The following LRRTM4 variants were observed in gnomAD, a reference collection of about 807,000 sequenced individuals.
LRRTM4 encodes the protein leucine-rich repeat transmembrane neuronal protein 4.
A neutral mutation model predicts 47.6 loss-of-function variants in LRRTM4; 25 were observed. The ratio of observed to expected loss-of-function variants is 0.53; its 90% CI spans 0.38 to 0.73. The LOEUF (loss-of-function observed/expected upper bound fraction) is 0.73, where lower values mean the gene tolerates loss of function less well. Among genes scored for constraint, LRRTM4 ranks in the 30% least tolerant of loss-of-function variants. The pLI, the probability that LRRTM4 is intolerant of heterozygous loss-of-function variation, is 0.00. For missense variants in LRRTM4, 638 were observed against 713.4 expected (o/e 0.89, Z 1.20); for synonymous variants, 311 against 269.5 (o/e 1.15, Z -1.51).
intron 3 of LRRTM4, among the ~76,000 whole-genome samples, chr2:76,859,854 C>T (rs1194307129): frequency 1.3e-5 from 2 of 152,040 alleles, no homozygotes; most frequent in Non-Finnish European, 2.9e-5. Flanking sequence ...ATCTTGTGTA[C>T]AGTTTATCTT....
intron 3 of LRRTM4, among the ~76,000 whole-genome samples, chr2:76,891,864 T>C (rs1474755387): frequency 6.6e-6 from 1 of 151,588 alleles, no homozygotes; most frequent in African/African-American, 2.4e-5. Flanking sequence ...TTCATTAATT[T>C]GACAAAACAT....
intron 3 of LRRTM4, among the ~76,000 whole-genome samples, chr2:77,370,372 A>G (rs999197231): frequency 1.3e-5 from 2 of 151,788 alleles, no homozygotes; most frequent in African/African-American, 4.8e-5. Flanking sequence ...TTTCAGCATA[A>G]TAACTACTGT....
intron 3 of LRRTM4, among the ~76,000 whole-genome samples, chr2:77,512,562 G>A (rs1224456792): frequency 1.3e-5 from 2 of 152,050 alleles, no homozygotes; most frequent in East Asian, 3.9e-4. Flanking sequence ...GTGATATACA[G>A]GTTGCTTCTG....
chr2:77,313,612 A>G (rs968126699), intron 3 of LRRTM4, among the ~76,000 whole-genome samples: 2 of 151,982 alleles, frequency 1.3e-5, no homozygotes, highest in South Asian at 2.1e-4. Flanking sequence ...CTTCTGCCCT[A>G]TATTTGTTTT....
At chr2:76,930,430 T>C (rs965908258) in intron 3 of LRRTM4, among the ~76,000 whole-genome samples, 3 of 152,314 alleles carry the variant, frequency 2.0e-5, no homozygotes, top group South Asian at 2.1e-4. Flanking sequence ...TATTTTATTA[T>C]TTTCTTCCTT....
At position 77,506,978 on chromosome 2, in the gene LRRTM4, G is replaced by T. The variant is rs866048001; in HGVS notation, c.1551+11340C>A. Reference sequence around the variant, plus strand: ...AAATTAATTTTCTCTAATAGCCACAGTCACATACCTGTGCATATGATAGAA... The same window carrying T: ...AAATTAATTTTCTCTAATAGCCACATTCACATACCTGTGCATATGATAGAA... On this transcript the variant is annotated intron_variant, in intron 3 of 3. Transcript: ENST00000409884. Among the ~76,000 whole-genome samples, 54 of 152,096 alleles carry T rather than the reference G, an allele frequency of 3.6e-4. No homozygotes were observed. The Middle Eastern group carries it at 0.01, about 29-fold the overall frequency.
intron 3 of LRRTM4, among the ~76,000 whole-genome samples, chr2:76,901,766 G>A (rs767445514): frequency 1.3e-5 from 2 of 152,094 alleles, no homozygotes; most frequent in Non-Finnish European, 2.9e-5. Flanking sequence ...GGGTTCCGAG[G>A]TCACCAAAAT....
intron 3 of LRRTM4, among the ~76,000 whole-genome samples, chr2:77,093,770 T>G (rs929559179): frequency 2.6e-5 from 4 of 151,888 alleles, no homozygotes; most frequent in Admixed American, 6.6e-5. Context: ...GAAGTGAATA[T>G]GCCCTGCCCC....
chr2:77,038,043 C>A (rs538774700), intron 3 of LRRTM4, among the ~76,000 whole-genome samples: 2 of 151,568 alleles, frequency 1.3e-5, no homozygotes, highest in African/African-American at 4.8e-5. Context: ...AGTAAGCAGA[C>A]TTTCTCCCCA....
At chr2:77,489,086 T>C (rs1217885180) in intron 3 of LRRTM4, among the ~76,000 whole-genome samples, 1 of 151,908 alleles carries the variant, frequency 6.6e-6, no homozygotes, top group African/African-American at 2.4e-5. Flanking sequence ...TACTATTTTA[T>C]CTAACAGGTA....
intron 3 of LRRTM4, among the ~76,000 whole-genome samples, chr2:77,122,404 A>G (rs752668330): frequency 2.6e-5 from 4 of 151,040 alleles, no homozygotes; most frequent in Non-Finnish European, 4.4e-5. Context: ...TGCAGAATTC[A>G]CCAGATGTAA....
chr2:77,058,427 A>G (rs530062807), intron 3 of LRRTM4, among the ~76,000 whole-genome samples: 203 of 152,276 alleles, frequency 1.3e-3, no homozygotes, highest in Non-Finnish European at 2.4e-3. Flanking sequence ...CATAGTCAAT[A>G]TAAAATAAAT....
chr2:76,997,107 A>G lies in LRRTM4; in HGVS notation c.1552-248191T>C, dbSNP rs1338740058. 2.6e-5 allele frequency among the ~76,000 whole-genome samples: 4 copies of G among 152,286 alleles called. No homozygotes were observed. In the East Asian group the frequency reaches 7.8e-4, roughly 30 times the overall value. On this transcript the variant is annotated intron_variant, in intron 3 of 3. Coordinates refer to ENST00000409884, the MANE Select transcript of LRRTM4 (RefSeq NM_001134745.3). ...TCTCAGAATGTCTTATTTCAAAGTCAGTAAAATTTTAATTAACCTAATTTC... is the reference window on the plus strand; with the variant it reads ...TCTCAGAATGTCTTATTTCAAAGTCGGTAAAATTTTAATTAACCTAATTTC...
chr2:76,903,968 T>A (rs1045290583), intron 3 of LRRTM4, among the ~76,000 whole-genome samples: 7 of 152,224 alleles, frequency 4.6e-5, no homozygotes, highest in African/African-American at 1.7e-4. Flanking sequence ...ATCAAGTTAG[T>A]GACTATTCTT....
At chr2:77,458,618 A>G (rs1676658582) in intron 3 of LRRTM4, among the ~76,000 whole-genome samples, 1 of 152,016 alleles carries the variant, frequency 6.6e-6, no homozygotes, top group South Asian at 2.1e-4. Flanking sequence ...AAAATAAAGT[A>G]TGCTAGTGAG....
intron 3 of LRRTM4, among the ~76,000 whole-genome samples, chr2:77,410,840 C>A (rs1040421259): frequency 2.6e-5 from 4 of 152,130 alleles, no homozygotes; most frequent in African/African-American, 9.7e-5. Flanking sequence ...CTTTAAACCT[C>A]TCAAGGTGAT....
chr2:77,284,906 T>C (rs902419920), intron 3 of LRRTM4, among the ~76,000 whole-genome samples: 2 of 152,046 alleles, frequency 1.3e-5, no homozygotes, highest in South Asian at 4.1e-4. Flanking sequence ...AATATACTCA[T>C]CAAAGCCCTC....
chr2:77,221,744 C>T (rs28792447), intron 3 of LRRTM4, among the ~76,000 whole-genome samples: 2 of 151,996 alleles, frequency 1.3e-5, no homozygotes, highest in African/African-American at 4.8e-5. Flanking sequence ...TAGACTCCCA[C>T]ACAATAATAA....
chr2:77,069,431 G>GTA, intron 3 of LRRTM4, among the ~76,000 whole-genome samples: 1 of 151,546 alleles, frequency 6.6e-6, no homozygotes, highest in African/African-American at 2.4e-5. Context: ...GTGTGTGTGT[G>GTA]TGTGTGTTTG....
Sources: gnomAD v4.1 joint callset for allele counts (sites outside exome capture counted in the v4.1 genomes callset) on GRCh38, gnomAD v4.1.1 for gene constraint, MANE v1.5 for transcripts, NCBI Gene and HGNC (gene_info 2026-07-23, HGNC 2026-07-21) for gene names.